Variants in SURF4 observed in about 807,000 individuals in gnomAD.
SURF4 encodes surfeit locus protein 4.
A neutral mutation model predicts 30.0 loss-of-function variants in SURF4; 3 were observed. That is an observed-to-expected ratio of 0.10 (90% confidence interval 0.05 to 0.26). The LOEUF (loss-of-function observed/expected upper bound fraction) is 0.26. Ranked by LOEUF, SURF4 falls within the 10% of genes least tolerant of loss-of-function variation. The pLI is 1.00. For missense variants in SURF4, 217 were observed against 350.8 expected (o/e 0.62, Z 3.05); for synonymous variants, 143 against 139.9 (o/e 1.02, Z -0.16).
At chr9:133,373,907 C>T (rs1465232076) in intron 1 of SURF4, among the ~76,000 whole-genome samples, 1 of 29,932 alleles carries the variant, frequency 3.3e-5, no homozygotes, top group South Asian at 1.3e-3. Context: ...GAAATTCTGT[C>T]TCAAAAAAAA....
intron 1 of SURF4, among the ~76,000 whole-genome samples, chr9:133,370,543 C>G (rs1837443951): frequency 6.6e-6 from 1 of 152,182 alleles, no homozygotes; most frequent in Admixed American, 6.5e-5. Flanking sequence ...ACCTTATTTC[C>G]TACATGCATG....
chr9:133,373,174 G>C (rs919517980), intron 1 of SURF4, among the ~76,000 whole-genome samples: 1 of 152,150 alleles, frequency 6.6e-6, no homozygotes, highest in Non-Finnish European at 1.5e-5. Context: ...TCTTGGTCTT[G>C]GTCACAGGCA....
At position 133,375,199 on chromosome 9, in the gene SURF4, C is replaced by A. The variant is rs1161851929; in HGVS notation, c.48+723G>T. On this transcript the variant is annotated intron_variant, in intron 1 of 5. Transcript: ENST00000371989. ...CCGAATGCTCTCAACAGTTACCCAACCGCCTGTTTCAAAGGCTTCCCTGTT... is the reference window on the plus strand; with the variant it reads ...CCGAATGCTCTCAACAGTTACCCAAACGCCTGTTTCAAAGGCTTCCCTGTT... 4 of 985,294 alleles carry A rather than the reference C, an allele frequency of 4.1e-6. No homozygotes were observed. In the African/African-American group the frequency reaches 7.0e-5, roughly 17 times the overall value. The allele number at this position is 985,294 out of a possible 1,614,324, so 61.0% of individuals were successfully genotyped here.
chr9:133,374,572 TAAATAAATAA>T (rs1428942749), intron 1 of SURF4, among the ~76,000 whole-genome samples: 2 of 151,542 alleles, frequency 1.3e-5, no homozygotes, highest in Non-Finnish European at 2.9e-5. Context: ...AAAGAAAAAA[TAAATAAATAA>T]AAATAAATAA....
At position 133,363,817 on chromosome 9, in the gene SURF4, TA is replaced by T; in HGVS notation, c.544-59del. 6.2e-7 allele frequency: 1 copy of T among 1,602,726 alleles called. No individual in the cohort carries two copies. The highest frequency in any genetic ancestry group is 8.5e-7 in the Non-Finnish European group (1 of 1,171,010). On this transcript the variant is annotated intron_variant, in intron 5 of 5. Coordinates refer to ENST00000371989, the MANE Select transcript of SURF4 (RefSeq NM_033161.4). This position sits in a 1 kb window ranked among gnomAD's most constrained non-coding sequence, Gnocchi z 4.3. Reference sequence around the variant, plus strand: ...AAATGTGAGGAAAAGAGATGCTTTATAAACAAAAGTTCCAGCTGCTGCACGT... The same window carrying T: ...AAATGTGAGGAAAAGAGATGCTTTATAACAAAAGTTCCAGCTGCTGCACGT...
Position 133,363,829 on chromosome 9 carries a change from C to A in SURF4, c.544-70G>T. 1 of 1,578,280 alleles carries A rather than the reference C, an allele frequency of 6.3e-7. No homozygotes were observed. The highest frequency in any genetic ancestry group is 1.1e-5 in the South Asian group (1 of 89,316). ...AAGAGATGCTTTATAAACAAAAGTT[C>A]CAGCTGCTGCACGTCATGAAGTCTC... On this transcript the variant is annotated intron_variant, in intron 5 of 5. Coordinates refer to ENST00000371989, the MANE Select transcript of SURF4 (RefSeq NM_033161.4). This position sits in a 1 kb window ranked among gnomAD's most constrained non-coding sequence, Gnocchi z 4.3.
chr9:133,364,649 G>A (rs2130105721), intron 5 of SURF4, among the ~76,000 whole-genome samples, 191 bp downstream of exon 5: 1 of 149,340 alleles, frequency 6.7e-6, no homozygotes, highest in Non-Finnish European at 1.5e-5. Flanking sequence ...CCGAGATCAC[G>A]CACTGCACTC....
chr9:133,368,799 G>C (rs982434416), intron 1 of SURF4, among the ~76,000 whole-genome samples: 1 of 152,130 alleles, frequency 6.6e-6, no homozygotes, highest in East Asian at 1.9e-4. Context: ...GATATAAAGT[G>C]AAAGAAATAC....
chr9:133,366,163 G>A, intron 3 of SURF4, 135 bp from the exon 4 acceptor site: 1 of 825,586 alleles, frequency 1.2e-6, no homozygotes, highest in Non-Finnish European at 2.0e-6. Flanking sequence ...AGGAGACCGA[G>A]GACAGATCTA....
intron 1 of SURF4, among the ~76,000 whole-genome samples, chr9:133,370,572 A>G (rs1042060723): frequency 3.3e-5 from 5 of 152,178 alleles, no homozygotes; most frequent in African/African-American, 9.7e-5. Flanking sequence ...AACTACTTCA[A>G]CTTGGCCACT....
In SURF4 at chr9:133,375,993, G is replaced by C. The variant is rs1837898134; in HGVS notation, c.-24C>G. 1.6e-6 allele frequency: 2 copies of C among 1,223,834 alleles called. No homozygotes were observed. Among genetic ancestry groups the C allele is most frequent in the Admixed American group, 4.3e-5 (1 of 23,214 alleles). 75.8% of individuals were successfully genotyped at this position (1,223,834 alleles called of 1,614,324 possible). A position where few individuals can be genotyped will look rare whatever the true frequency, so the allele number is the denominator to read the frequency against. On this transcript the variant is annotated 5_prime_UTR_variant, in exon 1 of 6. Coordinates refer to ENST00000371989, the MANE Select transcript of SURF4 (RefSeq NM_033161.4). ...ATGGCGACGGCGGGAGGCTCGGCTC[G>C]GCTCGCTCGCTCGCTCGCTGGCTCT...
At position 133,375,713 on chromosome 9, in the gene SURF4, C is replaced by T. The variant is rs2130239789; in HGVS notation, c.48+209G>A. Among the ~76,000 whole-genome samples, 56 of 152,210 alleles carry T rather than the reference C, an allele frequency of 3.7e-4. No individual in the cohort carries two copies. In the East Asian group the frequency reaches 0.01, roughly 28 times the overall value. On this transcript the variant is annotated intron_variant, in intron 1 of 5. Coordinates refer to ENST00000371989, the MANE Select transcript of SURF4 (RefSeq NM_033161.4). Reference sequence around the variant, plus strand: ...GGCGCCGAGGCCCGGGCTCCGGGAGCGGCCCAGCGGGCAGGGGAGACTGGG... The same window carrying T: ...GGCGCCGAGGCCCGGGCTCCGGGAGTGGCCCAGCGGGCAGGGGAGACTGGG...
At chr9:133,374,382 G>A (rs1002747438) in intron 1 of SURF4, among the ~76,000 whole-genome samples, 1 of 150,630 alleles carries the variant, frequency 6.6e-6, no homozygotes, top group Non-Finnish European at 1.5e-5. Flanking sequence ...GAGAAACCCT[G>A]TTTCTACTAA....
chr9:133,376,204 CCGCTCGAAGCCACGCCCGCCG>C (rs1211157170), upstream of SURF4: 6 of 1,275,286 alleles, frequency 4.7e-6, no homozygotes, highest in South Asian at 8.2e-5. Flanking sequence ...CCCGACCCAT[CCGCTCGAAGCCACGCCCGCCG>C]CGCTCGACGC....
intron 4 of SURF4, among the ~76,000 whole-genome samples, chr9:133,365,324 C>A (rs1837103554): frequency 6.6e-6 from 1 of 152,212 alleles, no homozygotes; most frequent in African/African-American, 2.4e-5. Flanking sequence ...TGTTGACCAG[C>A]TGGGTCCCCG....
At chr9:133,368,226 G>A (rs1440778589) in intron 1 of SURF4, among the ~76,000 whole-genome samples, 1 of 152,262 alleles carries the variant, frequency 6.6e-6, no homozygotes, top group African/African-American at 2.4e-5. Flanking sequence ...GACGCCCAGA[G>A]TACCCTGACA....
rs2130077312 is a variant in SURF4 at position 133,362,598 on chromosome 9, T to G, written c.*895A>C. ...GGTAACTGGGTTGAGTCCGTGGGTC[T>G]CCAGTGCTGGGAGCTCCTGCCACAC... is the stretch of plus-strand genomic sequence containing the variant. On this transcript the variant is annotated 3_prime_UTR_variant, in exon 6 of 6. Coordinates refer to ENST00000371989, the MANE Select transcript of SURF4 (RefSeq NM_033161.4). 1 of 152,780 alleles carries G rather than the reference T, an allele frequency of 6.5e-6. No individual in the cohort carries two copies. The highest frequency in any genetic ancestry group is 2.4e-5 in the African/African-American group (1 of 41,540). The allele number at this position is 152,780 out of a possible 1,614,324, so 9.5% of individuals were successfully genotyped here. A position where few individuals can be genotyped will look rare whatever the true frequency, so the allele number is the denominator to read the frequency against.
chr9:133,373,123 A>C (rs1471244713), intron 1 of SURF4, among the ~76,000 whole-genome samples: 1 of 152,198 alleles, frequency 6.6e-6, no homozygotes, highest in African/African-American at 2.4e-5. Flanking sequence ...CAGAAGAGCA[A>C]CACCAGGGGC....
chr9:133,373,370 G>A (rs1461489240), intron 1 of SURF4, among the ~76,000 whole-genome samples: 1 of 152,304 alleles, frequency 6.6e-6, no homozygotes, highest in Non-Finnish European at 1.5e-5. Context: ...AGGCCAAGGC[G>A]GATCACCTAA....
Sources: gnomAD v4.1 joint callset for allele counts (sites outside exome capture counted in the v4.1 genomes callset) on GRCh38, gnomAD v4.1.1 for gene constraint, Gnocchi (gnomAD v3.1) non-coding constraint, MANE v1.5 for transcripts, NCBI Gene and HGNC (gene_info 2026-07-23, HGNC 2026-07-21) for gene names.